Variants in TSPAN12 observed in about 807,000 individuals in gnomAD.
TSPAN12 encodes tetraspanin-12.
A neutral mutation model predicts 39.2 loss-of-function variants in TSPAN12; 19 were observed. The observed-to-expected ratio is 0.49, with a 90% CI of 0.34 to 0.71. The LOEUF (loss-of-function observed/expected upper bound fraction) is 0.71. Ranked by LOEUF, TSPAN12 falls within the 30% of genes least tolerant of loss-of-function variation. TSPAN12 has a pLI of 0.01. For synonymous variants in TSPAN12, 119 were observed against 124.8 expected, an observed-to-expected ratio of 0.95 and a Z score of 0.31; for missense variants, 314 against 359.9, an observed-to-expected ratio of 0.87 and a Z score of 1.03.
intron 7 of TSPAN12, among the ~76,000 whole-genome samples, chr7:120,789,802 G>A (rs1336963184): frequency 6.6e-6 from 1 of 152,176 alleles, no homozygotes; most frequent in African/African-American, 2.4e-5. Flanking sequence ...GCTTGCACAG[G>A]TGAATGCCAG....
chr7:120,830,528 G>GT (rs1230110522), intron 4 of TSPAN12, among the ~76,000 whole-genome samples: 13 of 151,946 alleles, frequency 8.6e-5, no homozygotes, highest in African/African-American at 2.7e-4. Context: ...TTTTGACAAA[G>GT]ATGCCAATAA....
intron 2 of TSPAN12, among the ~76,000 whole-genome samples, chr7:120,844,636 C>G (rs1794638373): frequency 6.6e-6 from 1 of 152,248 alleles, no homozygotes; most frequent in Non-Finnish European, 1.5e-5. Context: ...AACGCCATGT[C>G]TCACATCCAG....
At chr7:120,839,450 C>T (rs1794538087) in intron 3 of TSPAN12, among the ~76,000 whole-genome samples, 1 of 152,076 alleles carries the variant, frequency 6.6e-6, no homozygotes, top group Admixed American at 6.6e-5. Context: ...TTAACCGAAA[C>T]CAGTATTAAT....
intron 7 of TSPAN12, among the ~76,000 whole-genome samples, chr7:120,795,889 A>G (rs920661062): frequency 6.6e-5 from 10 of 152,218 alleles, no homozygotes; most frequent in Non-Finnish European, 1.2e-4. Flanking sequence ...GCTCTCTCTT[A>G]GGAGAACAGA....
intron 7 of TSPAN12, among the ~76,000 whole-genome samples, chr7:120,794,919 A>C (rs1013419659): frequency 6.6e-6 from 1 of 152,236 alleles, no homozygotes; most frequent in Non-Finnish European, 1.5e-5. Context: ...CCCTGAGCAT[A>C]TTTTGAGCCA....
rs1228467616 is a variant in TSPAN12, at chr7:120,807,835, G to A, written c.469-1143C>T. 2.0e-5 allele frequency among the ~76,000 whole-genome samples: 3 copies of A among 151,882 alleles called. No homozygotes were observed. The East Asian group carries it at 5.8e-4, about 29-fold the overall frequency. ...AAATGACGAATTACTGAAAGCTATG[G>A]GTAATACTGAAATTTTGAGAAACTT... On this transcript the variant is annotated intron_variant, in intron 6 of 7. Transcript: ENST00000222747.
rs563881772 is a variant in TSPAN12 at position 120,842,831 on chromosome 7, A to G, written c.67-2722T>C. ...AATACATTTTGTTTTGTGGATTAAA[A>G]TACAGATTAATAGTAATATTATATT... is the stretch of plus-strand genomic sequence containing the variant. On this transcript the variant is annotated intron_variant, in intron 2 of 7. Coordinates refer to ENST00000222747, the MANE Select transcript of TSPAN12 (RefSeq NM_012338.4). Among the ~76,000 whole-genome samples the G allele has an allele frequency of 8.6e-5, 13 of 152,026 alleles. No individual in the cohort carries two copies. In the South Asian group the frequency reaches 2.7e-3, roughly 31 times the overall value.
chr7:120,817,709 G>A (rs1301128453), intron 4 of TSPAN12, among the ~76,000 whole-genome samples: 1 of 152,048 alleles, frequency 6.6e-6, no homozygotes, highest in Non-Finnish European at 1.5e-5. Context: ...GCAAAAATAT[G>A]AGAAAGAACG....
chr7:120,840,169 T>A, intron 2 of TSPAN12, 60 bp from the exon 3 acceptor site: 1 of 1,230,978 alleles, frequency 8.1e-7, no homozygotes. Context: ...ACTGCAGGAT[T>A]AATAATAGGA....
intron 4 of TSPAN12, among the ~76,000 whole-genome samples, chr7:120,838,505 A>G (rs918810696): frequency 1.3e-5 from 2 of 152,236 alleles, no homozygotes; most frequent in Non-Finnish European, 2.9e-5. Flanking sequence ...AGTGCTAATA[A>G]CTACAAGGAC....
At chr7:120,794,360 AG>A (rs1793590345) in intron 7 of TSPAN12, among the ~76,000 whole-genome samples, 1 of 152,186 alleles carries the variant, frequency 6.6e-6, no homozygotes, top group Non-Finnish European at 1.5e-5. Flanking sequence ...CAGTGTTGGA[AG>A]TAAGGCCTGG....
At chr7:120,791,551 G>A (rs1793523776) in intron 7 of TSPAN12, among the ~76,000 whole-genome samples, 1 of 151,998 alleles carries the variant, frequency 6.6e-6, no homozygotes, top group Non-Finnish European at 1.5e-5. Context: ...TAGTCTCTGG[G>A]GCTTAAATTG....
chr7:120,854,281 T>C (rs1794827198), intron 2 of TSPAN12, among the ~76,000 whole-genome samples: 1 of 152,190 alleles, frequency 6.6e-6, no homozygotes, highest in Admixed American at 6.5e-5. Context: ...GCAGTAGTGG[T>C]AGCAATAGTA....
intron 4 of TSPAN12, among the ~76,000 whole-genome samples, chr7:120,827,593 T>C (rs1794313893): frequency 6.6e-6 from 1 of 152,216 alleles, no homozygotes; most frequent in Non-Finnish European, 1.5e-5. Flanking sequence ...TTGAATTAAC[T>C]ACAAATTACA....
intron 2 of TSPAN12, among the ~76,000 whole-genome samples, chr7:120,855,506 A>T (rs1794854146): frequency 6.6e-6 from 1 of 152,254 alleles, no homozygotes; most frequent in Non-Finnish European, 1.5e-5. Context: ...TAATTTAATG[A>T]TTCACTTAAA....
rs1467703144 is a variant in TSPAN12, at chr7:120,787,432, T to C, written c.*1160A>G. 1 of 152,596 alleles carries C rather than the reference T, an allele frequency of 6.6e-6. No individual in the cohort carries two copies. Among genetic ancestry groups the C allele is most frequent in the Non-Finnish European group, 1.5e-5 (1 of 68,000 alleles). 9.5% of individuals were successfully genotyped at this position (152,596 alleles called of 1,614,324 possible). ...GCACTTTTCCCATTTCAAATAAATATACTATACTCTTGTAAAAAAATTTAA... is the reference window on the plus strand; with the variant it reads ...GCACTTTTCCCATTTCAAATAAATACACTATACTCTTGTAAAAAAATTTAA... On this transcript the variant is annotated 3_prime_UTR_variant, in exon 8 of 8. Coordinates refer to ENST00000222747, the MANE Select transcript of TSPAN12 (RefSeq NM_012338.4).
intron 4 of TSPAN12, among the ~76,000 whole-genome samples, chr7:120,835,694 AG>A (rs1794463020): frequency 6.6e-6 from 1 of 152,218 alleles, no homozygotes; most frequent in South Asian, 2.1e-4. Flanking sequence ...AAAAAAATTC[AG>A]GTAAAACTCT....
Position 120,794,468 on chromosome 7 carries a change from T to C in TSPAN12, c.613-5571A>G, listed in dbSNP as rs576240449. On this transcript the variant is annotated intron_variant, in intron 7 of 7. Transcript: ENST00000222747. ...CAAGATCTGTTTCTTTAAAAGTGTGTAGCACCACCCCCCATCTCTCTCTCC... is the reference window on the plus strand; with the variant it reads ...CAAGATCTGTTTCTTTAAAAGTGTGCAGCACCACCCCCCATCTCTCTCTCC... Among the ~76,000 whole-genome samples the C allele has an allele frequency of 9.9e-5, 15 of 152,242 alleles. 1 individual carries two copies. In the South Asian group the frequency reaches 3.1e-3, roughly 32 times the overall value.
At chr7:120,847,278 T>A (rs1457802560) in intron 2 of TSPAN12, among the ~76,000 whole-genome samples, 1 of 150,386 alleles carries the variant, frequency 6.6e-6, no homozygotes, top group East Asian at 2.0e-4. Context: ...CTCATATACA[T>A]AACCTATAAT....
Sources: gnomAD v4.1 joint callset for allele counts (sites outside exome capture counted in the v4.1 genomes callset) on GRCh38, gnomAD v4.1.1 for gene constraint, MANE v1.5 for transcripts, NCBI Gene and HGNC (gene_info 2026-07-23, HGNC 2026-07-21) for gene names.